Variants in STXBP5 observed in about 807,000 individuals in gnomAD.
The protein encoded by STXBP5 is syntaxin binding protein 5.
STXBP5 carries 50 observed loss-of-function variants against 152.4 expected under a neutral mutation model. That is an observed-to-expected ratio of 0.33 (90% CI 0.26 to 0.42). STXBP5 has a LOEUF of 0.42. Ranked by LOEUF, STXBP5 falls within the 10% of genes least tolerant of loss-of-function variation. STXBP5 has a pLI of 1.00. For missense variants in STXBP5, 1,167 were observed against 1,388.6 expected (o/e 0.84, Z 2.54); for synonymous variants, 492 against 494.7 (o/e 0.99, Z 0.07).
At chr6:147,267,797 G>A (rs1390537069) in intron 7 of STXBP5, among the ~76,000 whole-genome samples, 1 of 151,970 alleles carries the variant, frequency 6.6e-6, no homozygotes, top group Non-Finnish European at 1.5e-5. Flanking sequence ...AGATGATACT[G>A]ATACTCATTT....
intron 9 of STXBP5, among the ~76,000 whole-genome samples, chr6:147,302,153 G>C (rs1433899517): frequency 2.6e-5 from 4 of 152,060 alleles, no homozygotes; most frequent in Admixed American, 6.6e-5. Context: ...AATTTAAACT[G>C]ATATTACATA....
intron 2 of STXBP5, among the ~76,000 whole-genome samples, chr6:147,216,655 C>T (rs911194403): frequency 3.9e-5 from 6 of 152,060 alleles, no homozygotes; most frequent in African/African-American, 1.2e-4. Context: ...GATTCCATTT[C>T]TCCAACTAGT....
rs180933212 is a variant in STXBP5 at position 147,322,587 on chromosome 6, T to A, written c.1803-2372T>A. ...GAGTTTGGTGGCAGGAAATTCAACA[T>A]CGAGTAGTCTTCCTGCTGTTCTCTC... On this transcript the variant is annotated intron_variant, in intron 16 of 27. Transcript: ENST00000321680. 1.6e-3 allele frequency among the ~76,000 whole-genome samples: 245 copies of A among 152,284 alleles called. 1 individual carries two copies. Among genetic ancestry groups the A allele is most frequent in the Non-Finnish European group, 2.6e-3 (180 of 68,018 alleles).
chr6:147,316,144 A>C, intron 15 of STXBP5, 85 bp from the exon 16 acceptor site: 1 of 1,268,660 alleles, frequency 7.9e-7, no homozygotes, highest in Non-Finnish European at 1.1e-6. Flanking sequence ...AAGTTTATGT[A>C]AAGTGTGTGT....
chr6:147,348,372 T>A (rs1784435831), intron 21 of STXBP5, among the ~76,000 whole-genome samples: 1 of 137,064 alleles, frequency 7.3e-6, no homozygotes, highest in African/African-American at 2.6e-5. Context: ...TTCCTCCTAC[T>A]CCCTGTCCCC....
At chr6:147,373,302 C>T (rs1052719951) in intron 25 of STXBP5, among the ~76,000 whole-genome samples, 1 of 139,946 alleles carries the variant, frequency 7.1e-6, no homozygotes, top group Non-Finnish European at 1.5e-5. Context: ...GAGGCAGAAG[C>T]TGCAAGTGAG....
At chr6:147,249,640 G>A (rs1778989076) in intron 4 of STXBP5, among the ~76,000 whole-genome samples, 1 of 152,196 alleles carries the variant, frequency 6.6e-6, no homozygotes, top group Non-Finnish European at 1.5e-5. Flanking sequence ...GAGAGAAATT[G>A]AGTGAAGAAG....
chr6:147,278,032 T>C (rs1379470214), intron 7 of STXBP5, 49 bp from the exon 8 acceptor site: 2 of 1,494,260 alleles, frequency 1.3e-6, no homozygotes, highest in African/African-American at 2.8e-5. Context: ...TTACAAATAG[T>C]TTACTGTTTA....
chr6:147,319,585 T>G (rs1295071826), intron 16 of STXBP5, among the ~76,000 whole-genome samples: 2 of 152,158 alleles, frequency 1.3e-5, no homozygotes, highest in Non-Finnish European at 2.9e-5. Context: ...AATAAAACTT[T>G]ATAAATTCAT....
chr6:147,355,791 G>C (rs1254045093), intron 22 of STXBP5, among the ~76,000 whole-genome samples: 1 of 152,118 alleles, frequency 6.6e-6, no homozygotes, highest in Non-Finnish European at 1.5e-5. Flanking sequence ...GGTAGGCCTT[G>C]CTTAGTGTTA....
chr6:147,312,630 T>C (rs2128372294), intron 11 of STXBP5, among the ~76,000 whole-genome samples: 1 of 152,266 alleles, frequency 6.6e-6, no homozygotes, highest in African/African-American at 2.4e-5. Context: ...GAACATTATC[T>C]CGTCCAAAAT....
chr6:147,359,159 T>G lies in STXBP5; in HGVS notation c.2381T>G (p.Ile794Ser). The G allele has an allele frequency of 6.2e-7, 1 of 1,614,012 alleles. No homozygotes were observed. Among genetic ancestry groups the G allele is most frequent in the Non-Finnish European group, 8.5e-7 (1 of 1,179,926 alleles). Reference sequence around the variant, plus strand: ...ATTGACAAAGAATCCCGAGAAGCGATCTCCGCTCTTCATTTCTGTGAAACG... The same window carrying G: ...ATTGACAAAGAATCCCGAGAAGCGAGCTCCGCTCTTCATTTCTGTGAAACG... Reference protein sequence around the residue: ...TSIDKESREAISALHFCETFT... With the variant: ...TSIDKESREASSALHFCETFT... Residue 794 changes from isoleucine to serine, a missense_variant, in exon 23 of 28, where the codon ATC becomes AGC. Ile to Ser is a moderately radical substitution (Grantham distance 142, BLOSUM62 -2). Transcript: ENST00000321680.
chr6:147,212,183 A>C (rs1296077215), intron 2 of STXBP5, among the ~76,000 whole-genome samples: 3 of 152,200 alleles, frequency 2.0e-5, no homozygotes, highest in Non-Finnish European at 1.5e-5. Context: ...TTTATTTCGC[A>C]GTGGATTTCT....
rs756856808 is a variant in STXBP5, at chr6:147,373,836, G to C, written c.3187G>C (p.Glu1063Gln). 2 of 1,608,144 alleles carry C rather than the reference G, an allele frequency of 1.2e-6. No individual in the cohort carries two copies. The highest frequency in any genetic ancestry group is 1.7e-6 in the Non-Finnish European group (2 of 1,175,006). Reference protein sequence around the residue: ...GGGAQSLDREELFGESSSGKA... With the variant: ...GGGAQSLDREQLFGESSSGKA... ...TGGTGCACAATCTCTTGACAGAGAA[G>C]AACTATGTAAGTTGATTTATTTAAT... is the stretch of plus-strand genomic sequence containing the variant. The change falls in exon 26 of 28, where the codon GAA becomes CAA. Residue 1063 changes from glutamate to glutamine, a missense_variant. Glu to Gln is a conservative substitution (Grantham distance 29). Transcript: ENST00000321680.
chr6:147,389,129 A>C lies in STXBP5; in HGVS notation c.*4374A>C, dbSNP rs1259196353. The C allele has an allele frequency of 1.3e-5, 2 of 151,712 alleles. No homozygotes were observed. Among genetic ancestry groups the C allele is most frequent in the African/African-American group, 2.4e-5 (1 of 41,418 alleles). The allele number at this position is 151,712 out of a possible 1,614,324, so 9.4% of individuals were successfully genotyped here. A position where few individuals can be genotyped will look rare whatever the true frequency, so the allele number is the denominator to read the frequency against. On this transcript the variant is annotated 3_prime_UTR_variant, in exon 28 of 28. Transcript: ENST00000321680. ...TCTTTTCATTTGAAAATGAATGTGA[A>C]GATACTGTTTACAGCTTTTGTTAAT...
chr6:147,237,737 A>G (rs1379797174), intron 3 of STXBP5, among the ~76,000 whole-genome samples: 1 of 152,206 alleles, frequency 6.6e-6, no homozygotes, highest in Non-Finnish European at 1.5e-5. Context: ...AGTTGGAGAG[A>G]TAATTTAATA....
Position 147,381,689 on chromosome 6 carries a change from G to A in STXBP5, c.3194-1089G>A, listed in dbSNP as rs570858116. ...TAACACCTTATCCATAAAATGACAC[G>A]TTATTCATCCATAATAAGGGATGAA... On this transcript the variant is annotated intron_variant, in intron 26 of 27. Coordinates refer to ENST00000321680, the MANE Select transcript of STXBP5 (RefSeq NM_001127715.4). 2.0e-5 allele frequency among the ~76,000 whole-genome samples: 3 copies of A among 152,198 alleles called. No homozygotes were observed. In the South Asian group the frequency reaches 6.2e-4, roughly 32 times the overall value.
chr6:147,382,837 G>A lies in STXBP5; in HGVS notation c.3253G>A (p.Gly1085Ser), dbSNP rs1786156058. ...CCTTGCACAGCATATTCCTGGCCCT[G>A]GTGGCATTGAAGGCGTAAAAGGGGC... is the stretch of plus-strand genomic sequence containing the variant. The part of the protein sequence containing the change: ...RSLAQHIPGP[G>S]GIEGVKGAAS... The change falls in exon 27 of 28, where the codon GGT becomes AGT. Residue 1085 changes from glycine (G) to serine (S), a missense_variant. Gly to Ser is a moderately conservative substitution (Grantham distance 56). Around this residue, in one of 3 missense-constraint regions of STXBP5, gnomAD observed 833 missense variants for 986.3 expected, o/e 0.84. Transcript: ENST00000321680. 4.3e-6 allele frequency: 7 copies of A among 1,613,530 alleles called. No homozygotes were observed. The highest frequency in any genetic ancestry group is 5.9e-6 in the Non-Finnish European group (7 of 1,179,666).
At chr6:147,261,614 A>G (rs1437475135) in intron 5 of STXBP5, among the ~76,000 whole-genome samples, 3 of 152,036 alleles carry the variant, frequency 2.0e-5, no homozygotes, top group Admixed American at 2.0e-4. Context: ...TCTTGTAGCA[A>G]GAATATTATC....
Sources: allele counts gnomAD v4.1 joint callset (sites outside exome capture counted in the v4.1 genomes callset), GRCh38; gene constraint gnomAD v4.1.1; regional missense constraint gnomAD v4.1.1; transcripts MANE v1.5; gene names NCBI Gene and HGNC (gene_info 2026-07-23, HGNC 2026-07-21).